Variants in MAP1A observed in about 807,000 individuals in gnomAD.
MAP1A encodes microtubule-associated protein 1A.
Under a neutral mutation model 185.9 loss-of-function variants are expected in MAP1A, and 42 were observed. The ratio of observed to expected loss-of-function variants is 0.23; its 90% confidence interval spans 0.18 to 0.29. MAP1A has a LOEUF of 0.29. MAP1A is among the 10% of genes least tolerant of loss of function. The probability of loss-of-function intolerance (pLI) is 1.00; values close to 1 mark genes in which losing one functional copy is unlikely to be tolerated. For missense variants in MAP1A, 2,995 were observed against 3,450.4 expected (o/e 0.87, Z 3.31); for synonymous variants, 1,229 against 1,335.9 (o/e 0.92, Z 1.74).
At position 43,524,297 on chromosome 15, in the gene MAP1A, G is replaced by A. The variant is rs200770722; in HGVS notation, c.2824G>A (p.Glu942Lys). The change falls in exon 4 of 6, where the codon GAG (glutamate) becomes AAG (lysine). Residue 942 changes from glutamate (E) to lysine (K), a missense_variant. Physicochemically the swap from Glu to Lys is moderately conservative, Grantham distance 56 (BLOSUM62 1). Transcript: ENST00000300231. The stretch of plus-strand genomic sequence containing the variant: ...TGGAGAGAGAGCTGTGGAAGAGGAA[G>A]AGGAGGAGACAGCAAACGTAGAGAT... The part of the protein sequence containing the change: ...LSGERAVEEE[E>K]EETANVEMSE... 2.5e-5 allele frequency: 40 copies of A among 1,614,084 alleles called. No homozygotes were observed. Among genetic ancestry groups the A allele is most frequent in the Middle Eastern group, 3.3e-4 (2 of 6,084 alleles).
At position 43,527,163 on chromosome 15, in the gene MAP1A, T is replaced by G; in HGVS notation, c.5690T>G (p.Leu1897Trp). ...VAAVQEGAAE[L>W]EGGPYSPLGK... Reference sequence around the variant, plus strand: ...GCAGTGCAGGAGGGGGCAGCTGAGTTGGAAGGTGGGCCATACTCCCCCCTG... The same window carrying G: ...GCAGTGCAGGAGGGGGCAGCTGAGTGGGAAGGTGGGCCATACTCCCCCCTG... The change falls in exon 4 of 6, where the codon TTG (leucine) becomes TGG (tryptophan). Residue 1897 changes from leucine to tryptophan, a missense_variant. Leu to Trp is a moderately conservative substitution (Grantham distance 61). This residue lies in a region of MAP1A where 2,728 missense variants were observed against 2,986.0 expected (regional missense o/e 0.91). Coordinates refer to ENST00000300231, the MANE Select transcript of MAP1A (RefSeq NM_002373.6). 1 of 1,613,522 alleles carries G rather than the reference T, an allele frequency of 6.2e-7. No individual in the cohort carries two copies.
At chr15:43,518,573 G>A (rs1404043720) in intron 1 of MAP1A, among the ~76,000 whole-genome samples, 2 of 151,912 alleles carry the variant, frequency 1.3e-5, no homozygotes, top group Admixed American at 1.3e-4. Context: ...GGGTGGGGGC[G>A]GAGCTGGAGC....
chr15:43,529,103 A>C lies in MAP1A; in HGVS notation c.7630A>C (p.Lys2544Gln). The C allele has an allele frequency of 6.2e-7, 1 of 1,613,762 alleles. No individual in the cohort carries two copies. The highest frequency in any genetic ancestry group is 1.1e-5 in the South Asian group (1 of 91,078). The change falls in exon 4 of 6, where the codon AAA becomes CAA. Residue 2544 changes from lysine to glutamine, a missense_variant. By Grantham distance (53) the Lys-to-Gln change is moderately conservative (BLOSUM62 1). Around this residue, in one of 3 missense-constraint regions of MAP1A, gnomAD observed 2,728 missense variants for 2,986.0 expected, o/e 0.91. Coordinates refer to ENST00000300231, the MANE Select transcript of MAP1A (RefSeq NM_002373.6). The surrounding 1 kb of genome is among the most constrained non-coding windows in gnomAD (Gnocchi z 4.3). ...AGATGGAGACTTCCTACCTGTGGACAAAGCTGGGGGTGTCAGTGGTACTCA... is the reference window on the plus strand; with the variant it reads ...AGATGGAGACTTCCTACCTGTGGACCAAGCTGGGGGTGTCAGTGGTACTCA... ...DEDGDFLPVD[K>Q]AGGVSGTHHP... is the part of the protein sequence containing the mutation.
At chr15:43,511,223 C>G in exon 1 of MAP1A, 1 of 1,549,638 alleles carries the variant, frequency 6.5e-7, no homozygotes, top group Non-Finnish European at 8.7e-7. Flanking sequence ...CCACCTTGAA[C>G]AAGGTGAGCC....
At chr15:43,520,613 A>C (rs756318822) in intron 1 of MAP1A, 28 bp from the exon 2 acceptor site, 1 of 1,368,174 alleles carries the variant, frequency 7.3e-7, no homozygotes, top group South Asian at 1.2e-5. Context: ...ACCTATTCTC[A>C]ATATAAATTC....
At chr15:43,519,126 C>T (rs554128507) in intron 1 of MAP1A, among the ~76,000 whole-genome samples, 8 of 152,180 alleles carry the variant, frequency 5.3e-5, no homozygotes, top group African/African-American at 1.4e-4. Flanking sequence ...TAAATCTGAA[C>T]GACTTAAGGC....
chr15:43,511,302 C>A, intron 1 of MAP1A: 1 of 1,103,682 alleles, frequency 9.1e-7, no homozygotes, highest in Non-Finnish European at 1.3e-6. Flanking sequence ...ACTACCAATG[C>A]ATACGTCTGC....
Position 43,525,336 on chromosome 15 carries a change from C to T in MAP1A, c.3863C>T (p.Ser1288Leu), listed in dbSNP as rs777150527. 1.9e-6 allele frequency: 3 copies of T among 1,613,922 alleles called. No individual in the cohort carries two copies. Among genetic ancestry groups the T allele is most frequent in the African/African-American group, 2.7e-5 (2 of 74,890 alleles). The change falls in exon 4 of 6, where the codon TCA (serine) becomes TTA (leucine). Residue 1288 changes from serine to leucine, a missense_variant. Physicochemically the swap from Ser to Leu is moderately radical, Grantham distance 145. Around this residue, in one of 3 missense-constraint regions of MAP1A, gnomAD observed 2,728 missense variants for 2,986.0 expected, o/e 0.91. Coordinates refer to ENST00000300231, the MANE Select transcript of MAP1A (RefSeq NM_002373.6). The stretch of plus-strand genomic sequence containing the variant: ...ACAGATGACAGCCTTGACAGGAAGT[C>T]ACCTGCCAGCTCATTCTCTCACTCT... ...DITDDSLDRK[S>L]PASSFSHSTP...
upstream of MAP1A, among the ~76,000 whole-genome samples, chr15:43,516,558 G>T (rs549608414): frequency 6.6e-6 from 1 of 152,272 alleles, no homozygotes; most frequent in African/African-American, 2.4e-5. Flanking sequence ...GCATCCTCGG[G>T]TTGGAAGGAA....
In MAP1A at chr15:43,528,975, C is replaced by T. The variant is rs929234828; in HGVS notation, c.7502C>T (p.Thr2501Ile). The change falls in exon 4 of 6, where the codon ACA becomes ATA. Residue 2501 changes from threonine to isoleucine, a missense_variant. Transcript: ENST00000300231. Reference sequence around the variant, plus strand: ...CCTGTGACTGATGAGACACCCCCTACATCAGCCAGTGACTCAGGCTCCTCA... The same window carrying T: ...CCTGTGACTGATGAGACACCCCCTATATCAGCCAGTGACTCAGGCTCCTCA... ...PCPVTDETPP[T>I]SASDSGSSQS... The T allele has an allele frequency of 1.9e-6, 3 of 1,613,476 alleles. No homozygotes were observed. Among genetic ancestry groups the T allele is most frequent in the Non-Finnish European group, 2.5e-6 (3 of 1,180,016 alleles).
intron 2 of MAP1A, 91 bp downstream of exon 2, chr15:43,520,814 C>G: frequency 7.6e-7 from 1 of 1,320,714 alleles, no homozygotes; most frequent in South Asian, 1.3e-5. Flanking sequence ...CCAAGAATTC[C>G]TCTCTCTGCC....
In MAP1A at chr15:43,517,668, G is replaced by A. The variant is rs950916136; in HGVS notation, c.-407G>A. The A allele has an allele frequency of 4.6e-5, 45 of 977,380 alleles. No individual in the cohort carries two copies. Among genetic ancestry groups the A allele is most frequent in the African/African-American group, 1.1e-4 (6 of 54,854 alleles). 60.5% of individuals were successfully genotyped at this position (977,380 alleles called of 1,614,324 possible). The stretch of plus-strand genomic sequence containing the variant: ...GCTGCCGGCTGAGGCCGGAGCTGCC[G>A]CCTCCATGAGAGGCTTCCTCCTACA... On this transcript the variant is annotated 5_prime_UTR_variant, in exon 1 of 6. Transcript: ENST00000300231.
chr15:43,519,318 A>G (rs1285485820), intron 1 of MAP1A, among the ~76,000 whole-genome samples: 1 of 152,188 alleles, frequency 6.6e-6, no homozygotes, highest in Non-Finnish European at 1.5e-5. Flanking sequence ...GTCTTCTGAC[A>G]CCATCGTTCA....
At chr15:43,516,317 T>C (rs1326682342), upstream of MAP1A, among the ~76,000 whole-genome samples, 2 of 152,150 alleles carry the variant, frequency 1.3e-5, no homozygotes, top group Non-Finnish European at 2.9e-5. Flanking sequence ...TACTAGTGAC[T>C]CAGCTCCTCC....
chr15:43,514,674 GC>G (rs1159677160), upstream of MAP1A, among the ~76,000 whole-genome samples: 1 of 152,138 alleles, frequency 6.6e-6, no homozygotes, highest in Non-Finnish European at 1.5e-5. Flanking sequence ...AGAGTCAGTG[GC>G]CCAGCTCCTT....
At position 43,517,648 on chromosome 15, in the gene MAP1A, C is replaced by G; in HGVS notation, c.-427C>G. On this transcript the variant is annotated 5_prime_UTR_variant, in exon 1 of 6. Coordinates refer to ENST00000300231, the MANE Select transcript of MAP1A (RefSeq NM_002373.6). ...GCTGCAGACTCTTCCCTGAAGCTGC[C>G]GGCTGAGGCCGGAGCTGCCGCCTCC... The G allele has an allele frequency of 2.0e-6, 2 of 981,658 alleles. No homozygotes were observed. Among genetic ancestry groups the G allele is most frequent in the Non-Finnish European group, 2.4e-6 (2 of 828,638 alleles). 60.8% of individuals were successfully genotyped at this position (981,658 alleles called of 1,614,324 possible).
At position 43,530,100 on chromosome 15, in the gene MAP1A, T is replaced by C. The variant is rs775895615; in HGVS notation, c.8288T>C (p.Val2763Ala). The change falls in exon 6 of 6, where the codon GTG (valine) becomes GCG (alanine). Residue 2763 changes from valine (V) to alanine (A), a missense_variant. By Grantham distance (64) the Val-to-Ala change is moderately conservative (BLOSUM62 0). Around this residue, in one of 3 missense-constraint regions of MAP1A, gnomAD observed 2,728 missense variants for 2,986.0 expected, o/e 0.91. Transcript: ENST00000300231. ...VTLIPTHDTEVTREWYQQTHE... is the reference protein window; with the variant it reads ...VTLIPTHDTEATREWYQQTHE... ...CTGATCCCTACTCATGACACGGAGG[T>C]GACTCGTGAGTGGTACCAACAAACT... 1 of 1,613,944 alleles carries C rather than the reference T, an allele frequency of 6.2e-7. No individual in the cohort carries two copies. The highest frequency in any genetic ancestry group is 1.7e-5 in the Admixed American group (1 of 60,000).
At chr15:43,517,037 A>C (rs1009052023), upstream of MAP1A, among the ~76,000 whole-genome samples, 6 of 152,148 alleles carry the variant, frequency 3.9e-5, no homozygotes, top group African/African-American at 1.4e-4. Flanking sequence ...CCACTCCGGA[A>C]TTTCAAACTA....
chr15:43,511,143 T>C (rs913523594), exon 1 of MAP1A: 3 of 1,550,364 alleles, frequency 1.9e-6, no homozygotes, highest in Non-Finnish European at 2.6e-6. Flanking sequence ...CGCTGGGACC[T>C]GCAGAAGCAC....
Sources: gnomAD v4.1 joint callset for allele counts (sites outside exome capture counted in the v4.1 genomes callset) on GRCh38, gnomAD v4.1.1 for gene constraint, gnomAD v4.1.1 regional missense constraint, Gnocchi (gnomAD v3.1) non-coding constraint, MANE v1.5 for transcripts, NCBI Gene and HGNC (gene_info 2026-07-23, HGNC 2026-07-21) for gene names.